PCNX4: variants seen among roughly 807,000 people sequenced by gnomAD.
The protein encoded by PCNX4 is pecanex 4.
In PCNX4, 103 loss-of-function variants were observed where a neutral mutation model predicts 107.2. The ratio of observed to expected loss-of-function variants is 0.96; its 90% CI spans 0.82 to 1.13. PCNX4 has a LOEUF of 1.13. PCNX4 is among the 50% of genes most tolerant of loss of function. The pLI, the probability that PCNX4 is intolerant of heterozygous loss-of-function variation, is 0.00. For synonymous variants in PCNX4, 541 were observed against 481.7 expected, an observed-to-expected ratio of 1.12 and a Z score of -1.61; for missense variants, 1,528 against 1,379.4, an observed-to-expected ratio of 1.11 and a Z score of -1.71.
At position 60,114,712 on chromosome 14, in the gene PCNX4, T is replaced by G; in HGVS notation, c.702T>G (p.Asn234Lys). ...SVDLAHRFVV[N>K]MPALEHMNQI... ...TTTTTTTATATAGGTTTGTGGTAAA[T>G]ATGCCAGCTCTAGAACACATGAATC... Residue 234 changes from asparagine (N) to lysine (K), a missense_variant, in exon 3 of 11, where the codon AAT (asparagine) becomes AAG (lysine). Asn to Lys is a moderately conservative substitution (Grantham distance 94). Coordinates refer to ENST00000406854, the MANE Select transcript of PCNX4 (RefSeq NM_001330177.2). 3 of 1,611,840 alleles carry G rather than the reference T, an allele frequency of 1.9e-6. No individual in the cohort carries two copies. Among genetic ancestry groups the G allele is most frequent in the Non-Finnish European group, 2.5e-6 (3 of 1,178,654 alleles).
In PCNX4 at chr14:60,115,643, G is replaced by A. The variant is rs1895831978; in HGVS notation, c.1358-76G>A. ...GCTTAAATGTGCTCATAAAAAATGTGTATTTGCCAGAATAAAATATGGTAG... is the reference window on the plus strand; with the variant it reads ...GCTTAAATGTGCTCATAAAAAATGTATATTTGCCAGAATAAAATATGGTAG... On this transcript the variant is annotated intron_variant, in intron 4 of 10. Transcript: ENST00000406854. 3.6e-6 allele frequency: 5 copies of A among 1,407,094 alleles called. No homozygotes were observed. In the South Asian group the frequency reaches 6.3e-5, roughly 18 times the overall value. The allele number at this position is 1,407,094 out of a possible 1,614,324, so 87.2% of individuals were successfully genotyped here. A position where few individuals can be genotyped will look rare whatever the true frequency, so the allele number is the denominator to read the frequency against.
Position 60,144,862 on chromosome 14 carries a change from T to C in PCNX4, c.*10641T>C, listed in dbSNP as rs1896357740. Reference sequence around the variant, plus strand: ...AAGCAAAGTCATATCTATTAAAAAGTAAAATCACAAATTAGTCTTTGATTA... The same window carrying C: ...AAGCAAAGTCATATCTATTAAAAAGCAAAATCACAAATTAGTCTTTGATTA... On this transcript the variant is annotated 3_prime_UTR_variant, in exon 11 of 11. Transcript: ENST00000406854. 2.0e-6 allele frequency: 2 copies of C among 1,000,430 alleles called. No individual in the cohort carries two copies. The highest frequency in any genetic ancestry group is 3.3e-5 in the African/African-American group (2 of 59,980). 62.0% of individuals were successfully genotyped at this position (1,000,430 alleles called of 1,614,324 possible).
In PCNX4 at chr14:60,139,089, T is replaced by C. The variant is rs912116201; in HGVS notation, c.*4868T>C. 2 of 151,834 alleles carry C rather than the reference T, an allele frequency of 1.3e-5. No homozygotes were observed. Among genetic ancestry groups the C allele is most frequent in the Non-Finnish European group, 2.9e-5 (2 of 67,888 alleles). 9.4% of individuals were successfully genotyped at this position (151,834 alleles called of 1,614,324 possible). A position where few individuals can be genotyped will look rare whatever the true frequency, so the allele number is the denominator to read the frequency against. On this transcript the variant is annotated 3_prime_UTR_variant, in exon 11 of 11. Transcript: ENST00000406854. ...GAAAATATAGAACAAATAGGACAAA[T>C]AGAAATCAAACAGTAGATTAGGAGG...
In PCNX4 at chr14:60,144,657, T is replaced by G; in HGVS notation, c.*10436T>G. 4.3e-6 allele frequency: 1 copy of G among 234,162 alleles called. No individual in the cohort carries two copies. The highest frequency in any genetic ancestry group is 8.2e-6 in the Non-Finnish European group (1 of 122,416). The allele number at this position is 234,162 out of a possible 1,614,324, so 14.5% of individuals were successfully genotyped here. A position where few individuals can be genotyped will look rare whatever the true frequency, so the allele number is the denominator to read the frequency against. On this transcript the variant is annotated 3_prime_UTR_variant, in exon 11 of 11. Transcript: ENST00000406854. The stretch of plus-strand genomic sequence containing the variant: ...TGTTGTTTATAAATTACCAAATCTG[T>G]GGTATTTTGTTATAGCAGCACAAAT...
At chr14:60,126,303 T>C (rs1272001187) in intron 10 of PCNX4, 2 of 152,280 alleles carry the variant, frequency 1.3e-5, no homozygotes, top group Non-Finnish European at 1.5e-5. Context: ...CTTGTTCTTA[T>C]TGCATTTAAA....
In PCNX4 at chr14:60,134,125, T is replaced by C. The variant is rs777085952; in HGVS notation, c.3423T>C (p.His1141=). The change falls in exon 11 of 11, where the codon CAT becomes CAC. Residue 1141 remains histidine, a synonymous_variant. Coordinates refer to ENST00000406854, the MANE Select transcript of PCNX4 (RefSeq NM_001330177.2). ...DDEERYSIQA[H]PLLLRNLTVQ... ...AAGAACGTTATAGTATACAAGCTCA[T>C]CCACTACTTTTAAGAAATCTTACGG... is the stretch of plus-strand genomic sequence containing the variant. The C allele has an allele frequency of 6.8e-6, 11 of 1,613,896 alleles. No individual in the cohort carries two copies. In the East Asian group the frequency reaches 1.6e-4, roughly 23 times the overall value.
At chr14:60,114,602 G>T in intron 2 of PCNX4, 98 bp from the exon 3 acceptor site, 1 of 960,152 alleles carries the variant, frequency 1.0e-6, no homozygotes, top group Non-Finnish European at 1.5e-6. Context: ...TTTTTTTTTG[G>T]AAGGGAGTGT....
intron 4 of PCNX4, 109 bp from the exon 5 acceptor site, chr14:60,115,610 A>G (rs577478416): frequency 5.5e-5 from 73 of 1,334,844 alleles, no homozygotes; most frequent in Non-Finnish European, 7.0e-5. Context: ...TTGGCTTTTT[A>G]GTTCATCGCT....
chr14:60,124,523 C>T lies in PCNX4; in HGVS notation c.2352C>T (p.Asn784=), dbSNP rs139693727. 1.9e-4 allele frequency: 310 copies of T among 1,613,766 alleles called. No individual in the cohort carries two copies. The African/African-American group carries it at 3.7e-3, about 19-fold the overall frequency. ...CTGGCATGAAAGAGAATGTTCACAA[C>T]ACTGAAAATAAAGGGAAAGCACCTC... ...KRPGMKENVH[N]TENKGKAPLM... Residue 784 remains asparagine (N), a synonymous_variant, in exon 9 of 11, where the codon AAC becomes AAT. Coordinates refer to ENST00000406854, the MANE Select transcript of PCNX4 (RefSeq NM_001330177.2).
In PCNX4 at chr14:60,142,158, C is replaced by G. The variant is rs944942101; in HGVS notation, c.*7937C>G. 6.6e-6 allele frequency: 1 copy of G among 152,162 alleles called. No homozygotes were observed. Among genetic ancestry groups the G allele is most frequent in the Non-Finnish European group, 1.5e-5 (1 of 68,034 alleles). 9.4% of individuals were successfully genotyped at this position (152,162 alleles called of 1,614,324 possible). ...TCTGGGGCTGATATATGTGTTTACT[C>G]TCTTGATTGTGGTTATGGTTCACAA... On this transcript the variant is annotated 3_prime_UTR_variant, in exon 11 of 11. Transcript: ENST00000406854. This position sits in a 1 kb window ranked among gnomAD's most constrained non-coding sequence, Gnocchi z 4.7.
At position 60,146,969 on chromosome 14, in the gene PCNX4, A is replaced by C. The variant is rs1896421782; in HGVS notation, c.*12748A>C. 1 of 152,254 alleles carries C rather than the reference A, an allele frequency of 6.6e-6. No homozygotes were observed. Among genetic ancestry groups the C allele is most frequent in the Admixed American group, 6.5e-5 (1 of 15,286 alleles). 9.4% of individuals were successfully genotyped at this position (152,254 alleles called of 1,614,324 possible). On this transcript the variant is annotated 3_prime_UTR_variant, in exon 11 of 11. Transcript: ENST00000406854. The surrounding 1 kb of genome is among the most constrained non-coding windows in gnomAD (Gnocchi z 4.9). Reference sequence around the variant, plus strand: ...ACATTTTGGCCAGGCACAGTGGCTCACACCTATGATCCCAACACTTTGGGA... The same window carrying C: ...ACATTTTGGCCAGGCACAGTGGCTCCCACCTATGATCCCAACACTTTGGGA...
Position 60,147,412 on chromosome 14 carries a change from C to G in PCNX4, c.*13191C>G, listed in dbSNP as rs1331846043. 1 of 152,036 alleles carries G rather than the reference C, an allele frequency of 6.6e-6. No individual in the cohort carries two copies. Among genetic ancestry groups the G allele is most frequent in the Admixed American group, 6.6e-5 (1 of 15,264 alleles). The allele number at this position is 152,036 out of a possible 1,614,324, so 9.4% of individuals were successfully genotyped here. On this transcript the variant is annotated 3_prime_UTR_variant, in exon 11 of 11. Coordinates refer to ENST00000406854, the MANE Select transcript of PCNX4 (RefSeq NM_001330177.2). ...TCTCACCACACACAAAAAAAGGTAACTGGGTGACATGTATTAATTAGCTTG... is the reference window on the plus strand; with the variant it reads ...TCTCACCACACACAAAAAAAGGTAAGTGGGTGACATGTATTAATTAGCTTG...
chr14:60,115,794 T>C lies in PCNX4; in HGVS notation c.1433T>C (p.Ile478Thr), dbSNP rs551280472. The C allele has an allele frequency of 1.1e-4, 175 of 1,612,648 alleles. No individual in the cohort carries two copies. The highest frequency in any genetic ancestry group is 1.3e-4 in the Admixed American group (8 of 59,952). ...GGGCTCCACTCAGTGTCTGTCTGTA[T>C]TGGATTCACAAGAGCCTTTAGAATG... ...LQGLHSVSVC[I>T]GFTRAFRMVW... The change falls in exon 5 of 11, where the codon ATT (isoleucine) becomes ACT (threonine). Residue 478 changes from isoleucine to threonine, a missense_variant. By Grantham distance (89) the Ile-to-Thr change is moderately conservative. Transcript: ENST00000406854.
Position 60,147,407 on chromosome 14 carries a change from G to A in PCNX4, c.*13186G>A, listed in dbSNP as rs907338991. ...AGTGTTCTCACCACACACAAAAAAA[G>A]GTAACTGGGTGACATGTATTAATTA... On this transcript the variant is annotated 3_prime_UTR_variant, in exon 11 of 11. Coordinates refer to ENST00000406854, the MANE Select transcript of PCNX4 (RefSeq NM_001330177.2). 1 of 152,052 alleles carries A rather than the reference G, an allele frequency of 6.6e-6. No individual in the cohort carries two copies. Among genetic ancestry groups the A allele is most frequent in the Non-Finnish European group, 1.5e-5 (1 of 68,004 alleles). The allele number at this position is 152,052 out of a possible 1,614,324, so 9.4% of individuals were successfully genotyped here. A position where few individuals can be genotyped will look rare whatever the true frequency, so the allele number is the denominator to read the frequency against.
In PCNX4 at chr14:60,138,474, A is replaced by C. The variant is rs968886826; in HGVS notation, c.*4253A>C. On this transcript the variant is annotated 3_prime_UTR_variant, in exon 11 of 11. Transcript: ENST00000406854. ...AAAAGAAAATCATTAAAGGAGCCAGACAATGATAAAAGACATTACTTTTAA... is the reference window on the plus strand; with the variant it reads ...AAAAGAAAATCATTAAAGGAGCCAGCCAATGATAAAAGACATTACTTTTAA... 1 of 152,240 alleles carries C rather than the reference A, an allele frequency of 6.6e-6. No individual in the cohort carries two copies. The highest frequency in any genetic ancestry group is 1.5e-5 in the Non-Finnish European group (1 of 68,034). The allele number at this position is 152,240 out of a possible 1,614,324, so 9.4% of individuals were successfully genotyped here. A position where few individuals can be genotyped will look rare whatever the true frequency, so the allele number is the denominator to read the frequency against.
At position 60,144,777 on chromosome 14, in the gene PCNX4, CT is replaced by C; in HGVS notation, c.*10562del. On this transcript the variant is annotated 3_prime_UTR_variant, in exon 11 of 11. Transcript: ENST00000406854. ...CCAAGAATATAGTATGAGTTAATAC[CT>C]TTTTTGCAAGATTCATGGCAATCTT... 3.4e-6 allele frequency: 2 copies of C among 584,358 alleles called. No individual in the cohort carries two copies. The highest frequency in any genetic ancestry group is 3.0e-5 in the East Asian group (1 of 33,080). 36.2% of individuals were successfully genotyped at this position (584,358 alleles called of 1,614,324 possible). A position where few individuals can be genotyped will look rare whatever the true frequency, so the allele number is the denominator to read the frequency against.
At chr14:60,116,372 A>C (rs566674701) in intron 6 of PCNX4, among the ~76,000 whole-genome samples, 1 of 152,146 alleles carries the variant, frequency 6.6e-6, no homozygotes, top group Non-Finnish European at 1.5e-5. Flanking sequence ...TTATGTTTTC[A>C]AGGTTCATTC....
In PCNX4 at chr14:60,140,064, A is replaced by G. The variant is rs1046994132; in HGVS notation, c.*5843A>G. On this transcript the variant is annotated 3_prime_UTR_variant, in exon 11 of 11. Transcript: ENST00000406854. The surrounding 1 kb of genome is among the most constrained non-coding windows in gnomAD (Gnocchi z 4.2). ...AGAACAAGAATTAATGGAGTAGAAA[A>G]TGAAGATAAAGTGGATCAACTAAGC... 1.3e-5 allele frequency: 2 copies of G among 152,186 alleles called. No homozygotes were observed. Among genetic ancestry groups the G allele is most frequent in the Admixed American group, 6.5e-5 (1 of 15,280 alleles). 9.4% of individuals were successfully genotyped at this position (152,186 alleles called of 1,614,324 possible).
chr14:60,126,226 T>C (rs1406580273), intron 10 of PCNX4: 1 of 153,076 alleles, frequency 6.5e-6, no homozygotes, highest in Admixed American at 6.5e-5. Flanking sequence ...TTATACTGTA[T>C]TGAAGCAAAC....
Sources: gnomAD v4.1 joint callset for allele counts (sites outside exome capture counted in the v4.1 genomes callset) on GRCh38, gnomAD v4.1.1 for gene constraint, Gnocchi (gnomAD v3.1) non-coding constraint, MANE v1.5 for transcripts, NCBI Gene and HGNC (gene_info 2026-07-23, HGNC 2026-07-21) for gene names.